The following CIROZ variants were observed in gnomAD, a reference collection of about 807,000 sequenced individuals.
CIROZ encodes ciliated left-right organizer ZP-N domains-containing protein.
chr1:10,969,026 T>C, the CIROZ span, among the ~76,000 whole-genome samples: 1 of 152,098 alleles, frequency 6.6e-6, no homozygotes, highest in African/African-American at 2.4e-5. Context: ...TACACAAATG[T>C]CTCTCCCAAG....
At chr1:10,970,031 C>T in the CIROZ span, 3 of 1,536,834 alleles carry the variant, frequency 2.0e-6, no homozygotes, top group South Asian at 3.6e-5. Flanking sequence ...TCCTTGGGAT[C>T]CACAGGGTCA....
the CIROZ span, among the ~76,000 whole-genome samples, chr1:10,975,401 G>A: frequency 8.7e-6 from 1 of 114,996 alleles, no homozygotes; most frequent in African/African-American, 3.5e-5. Context: ...GCTAAGCTCT[G>A]TCTCAGAAAA....
At chr1:10,978,807 T>C in the CIROZ span, among the ~76,000 whole-genome samples, 1 of 151,896 alleles carries the variant, frequency 6.6e-6, no homozygotes, top group Non-Finnish European at 1.5e-5. Context: ...ATGAGTTTGG[T>C]GTGTTTGTGT....
chr1:10,969,941 A>AC, the CIROZ span: 1 of 1,510,372 alleles, frequency 6.6e-7, no homozygotes, highest in East Asian at 2.5e-5. Context: ...CCCAGCAAAG[A>AC]CCCCGCCCAG....
chr1:10,956,185 C>T, the CIROZ span, among the ~76,000 whole-genome samples: 1 of 152,150 alleles, frequency 6.6e-6, no homozygotes. Context: ...CTTTGCACAC[C>T]GAGTTCTTTG....
chr1:10,964,053 C>A, the CIROZ span: 2 of 1,558,838 alleles, frequency 1.3e-6, no homozygotes, highest in Non-Finnish European at 1.7e-6. Context: ...GCCAGGGCCA[C>A]CTGCCTTGGC....
chr1:10,953,832 A>T, the CIROZ span, among the ~76,000 whole-genome samples: 3 of 152,278 alleles, frequency 2.0e-5, no homozygotes, highest in African/African-American at 7.2e-5. Flanking sequence ...AGTTCTCATG[A>T]TACTGTTGTT....
chr1:10,951,745 A>AAT, the CIROZ span, among the ~76,000 whole-genome samples: 8,519 of 119,040 alleles, frequency 0.072, 399 homozygotes, highest in Non-Finnish European at 0.085. Context: ...AAAAAAAAAA[A>AAT]ATATATATAT....
the CIROZ span, among the ~76,000 whole-genome samples, chr1:10,973,962 C>CCCCA: frequency 1.3e-3 from 197 of 151,566 alleles, 3 homozygotes; most frequent in Middle Eastern, 3.4e-3. Context: ...AAGGACCCCC[C>CCCCA]CCACCAAGTC....
the CIROZ span, among the ~76,000 whole-genome samples, chr1:10,956,728 C>T: frequency 7.2e-4 from 109 of 152,210 alleles, no homozygotes; most frequent in African/African-American, 2.4e-3. Context: ...CCACCCGCCG[C>T]GGCCTCCCAA....
the CIROZ span, among the ~76,000 whole-genome samples, chr1:10,967,010 A>G: frequency 1.2e-4 from 18 of 152,076 alleles, no homozygotes; most frequent in South Asian, 1.2e-3. Context: ...TTAGCCAGGC[A>G]TGGTGGTGCC....
the CIROZ span, among the ~76,000 whole-genome samples, chr1:10,958,458 C>G: frequency 6.6e-6 from 1 of 152,196 alleles, no homozygotes; most frequent in Non-Finnish European, 1.5e-5. Context: ...AGCCTTCCAA[C>G]CCAGCCTCCC....
At chr1:10,955,236 C>T in the CIROZ span, 5 of 1,518,590 alleles carry the variant, frequency 3.3e-6, no homozygotes, top group East Asian at 2.3e-5. Flanking sequence ...TTTGCAGGCT[C>T]GTGGACAAAT....
At chr1:10,955,292 C>T in the CIROZ span, 3 of 1,027,002 alleles carry the variant, frequency 2.9e-6, no homozygotes, top group Non-Finnish European at 4.2e-6. Flanking sequence ...GTGGCCGGCA[C>T]AGCACACTTC....
chr1:10,980,573 T>C, the CIROZ span, among the ~76,000 whole-genome samples: 3 of 152,190 alleles, frequency 2.0e-5, no homozygotes, highest in Non-Finnish European at 2.9e-5. Flanking sequence ...AAGAATAATC[T>C]TGGGGAAAAG....
At chr1:10,956,039 C>T in the CIROZ span, among the ~76,000 whole-genome samples, 2 of 152,036 alleles carry the variant, frequency 1.3e-5, no homozygotes, top group Admixed American at 6.6e-5. Flanking sequence ...TCATCATGGT[C>T]ATTGCCAATG....
the CIROZ span, among the ~76,000 whole-genome samples, chr1:10,978,206 G>A: frequency 8.0e-5 from 12 of 149,710 alleles, no homozygotes; most frequent in Non-Finnish European, 1.3e-4. Context: ...CACCACGCCC[G>A]GCTAATTTAT....
chr1:10,969,956 C>A, the CIROZ span: 7 of 1,522,050 alleles, frequency 4.6e-6, no homozygotes, highest in Non-Finnish European at 6.1e-6. Context: ...GCCCAGCCAC[C>A]GACCACCTCT....
chr1:10,970,102 G>A, the CIROZ span: 2 of 1,498,606 alleles, frequency 1.3e-6, no homozygotes. Flanking sequence ...GAGAAGGAAG[G>A]AAGGAGGAGG....
Sources: gnomAD v4.1 joint callset for allele counts (sites outside exome capture counted in the v4.1 genomes callset) on GRCh38, gnomAD v4.1.1 for gene constraint, MANE v1.5 for transcripts, NCBI Gene and HGNC (gene_info 2026-07-23, HGNC 2026-07-21) for gene names.